UNC5C: variants seen among roughly 807,000 people sequenced by gnomAD.
The protein encoded by UNC5C is unc-5 netrin receptor C, also known as netrin receptor UNC5C.
Under a neutral mutation model 99.8 loss-of-function variants are expected in UNC5C, and 47 were observed. That is an observed-to-expected ratio of 0.47 (90% CI 0.37 to 0.60). The LOEUF (loss-of-function observed/expected upper bound fraction) is 0.60, where lower values mean the gene tolerates loss of function less well. Among genes scored for constraint, UNC5C ranks in the 20% least tolerant of loss-of-function variants. The probability of loss-of-function intolerance (pLI) is 0.00; values close to 1 mark genes in which losing one functional copy is unlikely to be tolerated. For synonymous variants in UNC5C, 487 were observed against 452.2 expected (o/e 1.08, Z -0.98); for missense variants, 1,062 against 1,165.9 (o/e 0.91, Z 1.30).
intron 1 of UNC5C, among the ~76,000 whole-genome samples, chr4:95,541,527 G>A (rs1347340738): frequency 6.6e-6 from 1 of 152,120 alleles, no homozygotes; most frequent in Non-Finnish European, 1.5e-5. Flanking sequence ...TACCCCATTA[G>A]ATTGCACTAA....
rs781551696 is a variant in UNC5C at position 95,162,668 on chromosome 4, A to T, written c.*6566T>A. ...GAAAAGAGGCACACCCGGAGCTGGT[A>T]TCCCTCACCTCCACCACTCAGCAAG... is the stretch of plus-strand genomic sequence containing the variant. On this transcript the variant is annotated 3_prime_UTR_variant, in exon 16 of 16. Coordinates refer to ENST00000453304, the MANE Select transcript of UNC5C (RefSeq NM_003728.4). The T allele has an allele frequency of 6.6e-6, 1 of 152,134 alleles. No individual in the cohort carries two copies. The highest frequency in any genetic ancestry group is 1.5e-5 in the Non-Finnish European group (1 of 68,034). The allele number at this position is 152,134 out of a possible 1,614,324, so 9.4% of individuals were successfully genotyped here.
intron 1 of UNC5C, among the ~76,000 whole-genome samples, chr4:95,509,733 A>T (rs1276501455): frequency 1.3e-5 from 2 of 151,894 alleles, no homozygotes; most frequent in Non-Finnish European, 2.9e-5. Flanking sequence ...GTATATTATT[A>T]TATTTGATGT....
intron 10 of UNC5C, among the ~76,000 whole-genome samples, chr4:95,215,180 G>A (rs1226572357): frequency 6.6e-6 from 1 of 152,166 alleles, no homozygotes; most frequent in Non-Finnish European, 1.5e-5. Flanking sequence ...TGAGAGCTGG[G>A]AAAAGAAAAG....
At chr4:95,211,278 T>A (rs1311345919) in intron 10 of UNC5C, among the ~76,000 whole-genome samples, 1 of 152,218 alleles carries the variant, frequency 6.6e-6, no homozygotes, top group Non-Finnish European at 1.5e-5. Flanking sequence ...ATTTGCACTC[T>A]AGGTACCTGA....
At chr4:95,498,643 T>G (rs1721689979) in intron 1 of UNC5C, among the ~76,000 whole-genome samples, 1 of 151,884 alleles carries the variant, frequency 6.6e-6, no homozygotes, top group Non-Finnish European at 1.5e-5. Flanking sequence ...TTAAAAACAG[T>G]GAAAAACCCC....
At chr4:95,418,514 T>C (rs941900797) in intron 1 of UNC5C, among the ~76,000 whole-genome samples, 4 of 152,116 alleles carry the variant, frequency 2.6e-5, no homozygotes, top group African/African-American at 9.7e-5. Flanking sequence ...TGCTGTGATC[T>C]AAAATGTATA....
intron 7 of UNC5C, among the ~76,000 whole-genome samples, chr4:95,237,445 T>A (rs1425408879): frequency 6.6e-6 from 1 of 152,196 alleles, no homozygotes; most frequent in African/African-American, 2.4e-5. Context: ...ATTCATTAGT[T>A]TTATAAGTAA....
intron 12 of UNC5C, among the ~76,000 whole-genome samples, chr4:95,193,260 C>G (rs1445168198): frequency 6.6e-6 from 1 of 152,168 alleles, no homozygotes; most frequent in Non-Finnish European, 1.5e-5. Context: ...TCGCTGAGAT[C>G]GCTACATGGA....
chr4:95,371,229 C>T (rs1195756714), intron 1 of UNC5C, among the ~76,000 whole-genome samples: 1 of 152,052 alleles, frequency 6.6e-6, no homozygotes, highest in African/African-American at 2.4e-5. Flanking sequence ...TGTTTCATAA[C>T]GTTTCTCCAT....
intron 1 of UNC5C, among the ~76,000 whole-genome samples, chr4:95,353,868 A>C (rs1744075228): frequency 6.6e-6 from 1 of 152,114 alleles, no homozygotes; most frequent in Non-Finnish European, 1.5e-5. Context: ...AAATTAAAAA[A>C]CTATTTTAGT....
At position 95,380,188 on chromosome 4, in the gene UNC5C, G is replaced by C. The variant is rs539979233; in HGVS notation, c.125-44557C>G. 3.6e-4 allele frequency among the ~76,000 whole-genome samples: 54 copies of C among 151,984 alleles called. No homozygotes were observed. In the South Asian group the frequency reaches 0.01, roughly 29 times the overall value. ...CCCATTTTCTCATGCTCTTACTTTT[G>C]TTTTAGCTATATTCCCATATCTAGC... On this transcript the variant is annotated intron_variant, in intron 1 of 15. Transcript: ENST00000453304.
At chr4:95,340,502 A>C (rs1416346813) in intron 1 of UNC5C, among the ~76,000 whole-genome samples, 4 of 152,120 alleles carry the variant, frequency 2.6e-5, no homozygotes, top group African/African-American at 9.7e-5. Context: ...CTTATTTTTA[A>C]TATTTTGATT....
chr4:95,220,180 G>C lies in UNC5C; in HGVS notation c.1109-4C>G. ...ACATCATCTGAATCAGGAGCAGCTA[G>C]AGAGGAGAGTGAAACATTGAACCAG... is the stretch of plus-strand genomic sequence containing the variant. On this transcript the variant is annotated splice_polypyrimidine_tract_variant and splice_region_variant and intron_variant, in intron 7 of 15. Coordinates refer to ENST00000453304, the MANE Select transcript of UNC5C (RefSeq NM_003728.4). 1 of 1,610,606 alleles carries C rather than the reference G, an allele frequency of 6.2e-7. No individual in the cohort carries two copies. The highest frequency in any genetic ancestry group is 8.5e-7 in the Non-Finnish European group (1 of 1,178,030).
rs895488801 is a variant in UNC5C at position 95,414,221 on chromosome 4, C to CCG, written c.125-78591_125-78590insCG. Among the ~76,000 whole-genome samples the CCG allele has an allele frequency of 2.0e-5, 3 of 152,118 alleles. No homozygotes were observed. In the South Asian group the frequency reaches 6.2e-4, roughly 32 times the overall value. ...TCCTTCCCCTTTTCCCCACCTCCCC[C>CCG]CCACAAAAAATAGGTCTGGTAGAGA... On this transcript the variant is annotated intron_variant, in intron 1 of 15. Coordinates refer to ENST00000453304, the MANE Select transcript of UNC5C (RefSeq NM_003728.4).
chr4:95,451,651 G>A (rs966955674), intron 1 of UNC5C, among the ~76,000 whole-genome samples: 1 of 152,072 alleles, frequency 6.6e-6, no homozygotes, highest in Non-Finnish European at 1.5e-5. Context: ...TGTTTTGTCT[G>A]AGATCAGATT....
chr4:95,209,650 CCT>C (rs1306653439), intron 10 of UNC5C, among the ~76,000 whole-genome samples: 1 of 152,162 alleles, frequency 6.6e-6, no homozygotes, highest in African/African-American at 2.4e-5. Context: ...CAACTTGAGA[CCT>C]CATTACTATC....
chr4:95,395,576 G>GA (rs1745487425), intron 1 of UNC5C, among the ~76,000 whole-genome samples: 1 of 152,072 alleles, frequency 6.6e-6, no homozygotes. Flanking sequence ...AGTCCTGTTA[G>GA]AAAAAATATA....
At chr4:95,422,923 C>CAT (rs1364576440) in intron 1 of UNC5C, among the ~76,000 whole-genome samples, 1 of 152,256 alleles carries the variant, frequency 6.6e-6, no homozygotes, top group East Asian at 1.9e-4. Flanking sequence ...TGGGATTAGG[C>CAT]ATAGCACATA....
chr4:95,492,666 C>T (rs1172270285), intron 1 of UNC5C, among the ~76,000 whole-genome samples: 1 of 151,482 alleles, frequency 6.6e-6, no homozygotes, highest in Non-Finnish European at 1.5e-5. Context: ...AAAATCTTGA[C>T]TTCACCTTTA....
Sources: gnomAD v4.1 joint callset for allele counts (sites outside exome capture counted in the v4.1 genomes callset) on GRCh38, gnomAD v4.1.1 for gene constraint, MANE v1.5 for transcripts, NCBI Gene and HGNC (gene_info 2026-07-23, HGNC 2026-07-21) for gene names.